KCNQ5: variants seen among roughly 807,000 people sequenced by gnomAD.
KCNQ5 encodes the protein potassium voltage-gated channel subfamily Q member 5.
In KCNQ5, 30 loss-of-function variants were observed where a neutral mutation model predicts 98.2. That is an observed-to-expected ratio of 0.31 (90% CI 0.23 to 0.41). The LOEUF (loss-of-function observed/expected upper bound fraction) is 0.41, where lower values mean the gene tolerates loss of function less well. KCNQ5 is among the 10% of genes least tolerant of loss of function. The pLI is 1.00. For synonymous variants in KCNQ5, 458 were observed against 449.4 expected, an observed-to-expected ratio of 1.02 and a Z score of -0.24; for missense variants, 835 against 1,182.5, an observed-to-expected ratio of 0.71 and a Z score of 4.31.
chr6:73,091,387 G>C (rs1368949678), intron 5 of KCNQ5, among the ~76,000 whole-genome samples: 1 of 151,898 alleles, frequency 6.6e-6, no homozygotes, highest in Middle Eastern at 3.4e-3. Flanking sequence ...TGAGCTGATG[G>C]GTGCAACAAA....
intron 1 of KCNQ5, among the ~76,000 whole-genome samples, chr6:72,741,961 C>G (rs985788766): frequency 6.6e-6 from 1 of 152,160 alleles, no homozygotes; most frequent in African/African-American, 2.4e-5. Flanking sequence ...TCACTTAATA[C>G]CAGATGGTTA....
At chr6:73,132,045 G>T (rs565570983) in intron 9 of KCNQ5, among the ~76,000 whole-genome samples, 1 of 152,124 alleles carries the variant, frequency 6.6e-6, no homozygotes, top group African/African-American at 2.4e-5. Context: ...TTAGAATATC[G>T]TTTGTTAAGC....
chr6:72,945,695 T>A (rs965666887), intron 1 of KCNQ5, among the ~76,000 whole-genome samples: 20 of 152,198 alleles, frequency 1.3e-4, no homozygotes, highest in African/African-American at 4.8e-4. Context: ...CCTCAAGTGA[T>A]CTGCCTGCCT....
At chr6:73,188,778 T>C (rs1765476462) in intron 11 of KCNQ5, among the ~76,000 whole-genome samples, 1 of 151,886 alleles carries the variant, frequency 6.6e-6, no homozygotes, top group Non-Finnish European at 1.5e-5. Flanking sequence ...AGGTCAGAAG[T>C]TCGAGACCAG....
chr6:72,642,331 C>G (rs1765362010), intron 1 of KCNQ5, among the ~76,000 whole-genome samples: 1 of 151,670 alleles, frequency 6.6e-6, no homozygotes, highest in South Asian at 2.1e-4. Context: ...ATTTATTTAT[C>G]AACTTTTATT....
At chr6:73,067,847 G>T (rs1773119935) in intron 3 of KCNQ5, among the ~76,000 whole-genome samples, 1 of 149,544 alleles carries the variant, frequency 6.7e-6, no homozygotes, top group Non-Finnish European at 1.5e-5. Flanking sequence ...GGCTATTAAA[G>T]ATCATTTGGA....
intron 1 of KCNQ5, among the ~76,000 whole-genome samples, chr6:72,684,103 G>T (rs1331339367): frequency 6.6e-6 from 1 of 152,178 alleles, no homozygotes; most frequent in South Asian, 2.1e-4. Context: ...CACATGGCAT[G>T]ATCACCTGGT....
intron 1 of KCNQ5, among the ~76,000 whole-genome samples, chr6:72,712,535 C>T (rs1189111695): frequency 1.4e-4 from 22 of 152,124 alleles, no homozygotes; most frequent in Admixed American, 1.2e-3. Context: ...AGTTAATAGC[C>T]GCTTGGAACT....
chr6:72,854,374 A>G (rs1777428312), intron 1 of KCNQ5, among the ~76,000 whole-genome samples: 1 of 152,136 alleles, frequency 6.6e-6, no homozygotes, highest in Admixed American at 6.6e-5. Context: ...TAAATATGGG[A>G]TGATCAGAGT....
At chr6:73,086,427 C>T (rs933517435) in intron 5 of KCNQ5, among the ~76,000 whole-genome samples, 2 of 152,160 alleles carry the variant, frequency 1.3e-5, no homozygotes, top group East Asian at 1.9e-4. Context: ...TAACCGAATT[C>T]CTTCTTGGGT....
In KCNQ5 at chr6:72,980,832, T is replaced by C. The variant is rs1768405501; in HGVS notation, c.399-23076T>C. On this transcript the variant is annotated intron_variant, in intron 1 of 13. Coordinates refer to ENST00000370398, the MANE Select transcript of KCNQ5 (RefSeq NM_019842.4). ...GGTTTGTCATAAATAGCTCTTATTA[T>C]TTTGAGATACGTTCCATCAATACCT... 2.0e-5 allele frequency among the ~76,000 whole-genome samples: 3 copies of C among 152,204 alleles called. No individual in the cohort carries two copies. The South Asian group carries it at 6.2e-4, about 31-fold the overall frequency.
Position 72,930,473 on chromosome 6 carries a change from A to G in KCNQ5, c.399-73435A>G, listed in dbSNP as rs540257342. On this transcript the variant is annotated intron_variant, in intron 1 of 13. Coordinates refer to ENST00000370398, the MANE Select transcript of KCNQ5 (RefSeq NM_019842.4). ...TGAAAACAAACAGACCATTTGTGCC[A>G]TGTTTGCTGTTAACTAAGTAATAAA... 2.7e-4 allele frequency among the ~76,000 whole-genome samples: 41 copies of G among 150,418 alleles called. No individual in the cohort carries two copies. The South Asian group carries it at 3.6e-3, about 13-fold the overall frequency.
At chr6:73,012,426 T>C (rs1770106653) in intron 2 of KCNQ5, among the ~76,000 whole-genome samples, 1 of 151,908 alleles carries the variant, frequency 6.6e-6, no homozygotes, top group Non-Finnish European at 1.5e-5. Flanking sequence ...GTCAAAAAAG[T>C]ATAGAGACAA....
chr6:72,903,422 G>A (rs1015861170), intron 1 of KCNQ5, among the ~76,000 whole-genome samples: 1 of 152,178 alleles, frequency 6.6e-6, no homozygotes, highest in Admixed American at 6.5e-5. Flanking sequence ...TGTGACGTTA[G>A]ATTGTCAGTT....
At chr6:73,085,382 G>C (rs776605982) in intron 5 of KCNQ5, among the ~76,000 whole-genome samples, 2 of 152,160 alleles carry the variant, frequency 1.3e-5, no homozygotes, top group Non-Finnish European at 2.9e-5. Context: ...CTGGCATAGA[G>C]GGGGACAAAA....
At chr6:73,179,348 C>T (rs913207772) in intron 11 of KCNQ5, among the ~76,000 whole-genome samples, 1 of 152,086 alleles carries the variant, frequency 6.6e-6, no homozygotes, top group Admixed American at 6.6e-5. Context: ...ATGCTAAGTG[C>T]TAACTTAGGT....
chr6:72,725,484 T>A (rs1417089876), intron 1 of KCNQ5, among the ~76,000 whole-genome samples: 1 of 151,860 alleles, frequency 6.6e-6, no homozygotes, highest in Admixed American at 6.6e-5. Flanking sequence ...CTCACAGAAG[T>A]AGAGAGTAGA....
intron 1 of KCNQ5, among the ~76,000 whole-genome samples, chr6:72,907,947 C>A (rs983933664): frequency 6.6e-6 from 1 of 152,058 alleles, no homozygotes; most frequent in Admixed American, 6.5e-5. Flanking sequence ...TTTCTAACCA[C>A]TATCATGCTG....
rs961075650 is a variant in KCNQ5 at position 73,029,884 on chromosome 6, G to A, written c.490-12052G>A. Reference sequence around the variant, plus strand: ...CGAGATTGCGTCACTGCACTCCAGCGACAGAGCCAGACTCCGTCTCAAAAA... The same window carrying A: ...CGAGATTGCGTCACTGCACTCCAGCAACAGAGCCAGACTCCGTCTCAAAAA... On this transcript the variant is annotated intron_variant, in intron 2 of 13. Coordinates refer to ENST00000370398, the MANE Select transcript of KCNQ5 (RefSeq NM_019842.4). 5.1e-5 allele frequency among the ~76,000 whole-genome samples: 6 copies of A among 117,114 alleles called. No individual in the cohort carries two copies. In the Admixed American group the frequency reaches 6.2e-4, roughly 12 times the overall value. 76.8% of individuals were successfully genotyped at this position (117,114 alleles called of 152,430 possible).
Sources: gnomAD v4.1 joint callset for allele counts (sites outside exome capture counted in the v4.1 genomes callset) on GRCh38, gnomAD v4.1.1 for gene constraint, MANE v1.5 for transcripts, NCBI Gene and HGNC (gene_info 2026-07-23, HGNC 2026-07-21) for gene names.